VRK1: variants seen among roughly 807,000 people sequenced by gnomAD.
VRK1 encodes serine/threonine-protein kinase VRK1.
A neutral mutation model predicts 57.1 loss-of-function variants in VRK1; 33 were observed. The ratio of observed to expected loss-of-function variants is 0.58; its 90% CI spans 0.44 to 0.77. The LOEUF is 0.77. Ranked by LOEUF, VRK1 falls within the 30% of genes least tolerant of loss-of-function variation. The pLI, the probability that VRK1 is intolerant of heterozygous loss-of-function variation, is 0.00. For synonymous variants in VRK1, 137 were observed against 147.8 expected (o/e 0.93, Z 0.53); for missense variants, 413 against 477.3 (o/e 0.87, Z 1.25).
At chr14:96,818,903 G>A (rs565150003) in intron 1 of VRK1, among the ~76,000 whole-genome samples, 1 of 152,192 alleles carries the variant, frequency 6.6e-6, no homozygotes, top group Non-Finnish European at 1.5e-5. Flanking sequence ...TCACTGGGAA[G>A]TGGCTTTATA....
intron 1 of VRK1, among the ~76,000 whole-genome samples, chr14:96,803,942 T>C (rs1169627666): frequency 6.6e-6 from 1 of 152,244 alleles, no homozygotes; most frequent in African/African-American, 2.4e-5. Context: ...GCCAAATATA[T>C]GATTTGTAAA....
intron 2 of VRK1, 110 bp downstream of exon 2, chr14:96,833,741 A>G: frequency 6.6e-7 from 1 of 1,512,256 alleles, no homozygotes; most frequent in Non-Finnish European, 9.1e-7. Flanking sequence ...ATCTGCAGTC[A>G]ACTTAATAGT....
chr14:96,839,921 A>T (rs1266160663), intron 3 of VRK1, among the ~76,000 whole-genome samples: 2 of 152,136 alleles, frequency 1.3e-5, no homozygotes, highest in Non-Finnish European at 2.9e-5. Context: ...TTGAGTGTTG[A>T]CCGAACTTTG....
chr14:96,829,972 A>T (rs775752509), intron 1 of VRK1, among the ~76,000 whole-genome samples: 22 of 152,108 alleles, frequency 1.4e-4, no homozygotes, highest in Non-Finnish European at 3.2e-4. Flanking sequence ...AACACTTAGC[A>T]GTCTTTATAC....
chr14:96,880,736 T>C (rs1457933636), intron 12 of VRK1, among the ~76,000 whole-genome samples: 1 of 152,220 alleles, frequency 6.6e-6, no homozygotes, highest in African/African-American at 2.4e-5. Context: ...TAATAGTCTT[T>C]AAAAAGCAAC....
At chr14:96,851,411 G>A (rs983134883) in intron 5 of VRK1, among the ~76,000 whole-genome samples, 1 of 152,156 alleles carries the variant, frequency 6.6e-6, no homozygotes, top group Non-Finnish European at 1.5e-5. Flanking sequence ...AAAGTGCTGA[G>A]ATTACTGGCG....
At chr14:96,803,617 C>T (rs962344306) in intron 1 of VRK1, among the ~76,000 whole-genome samples, 2 of 152,184 alleles carry the variant, frequency 1.3e-5, no homozygotes, top group Non-Finnish European at 2.9e-5. Context: ...ACTCTCCATA[C>T]TCTCCACCAT....
intron 1 of VRK1, among the ~76,000 whole-genome samples, chr14:96,828,770 G>T (rs1483445384): frequency 6.6e-6 from 1 of 152,064 alleles, no homozygotes; most frequent in African/African-American, 2.4e-5. Flanking sequence ...TGTTTCTCAA[G>T]ATGCTAAAAG....
intron 1 of VRK1, among the ~76,000 whole-genome samples, chr14:96,811,366 A>G (rs1053505414): frequency 6.6e-6 from 1 of 152,230 alleles, no homozygotes; most frequent in Non-Finnish European, 1.5e-5. Context: ...TCCATTTTTG[A>G]AAGTCATCTG....
intron 5 of VRK1, among the ~76,000 whole-genome samples, chr14:96,851,428 A>C (rs539284916): frequency 1.3e-5 from 2 of 152,180 alleles, no homozygotes; most frequent in African/African-American, 4.8e-5. Flanking sequence ...GGCGTGAACT[A>C]CCAGGCCCGG....
intron 3 of VRK1, among the ~76,000 whole-genome samples, chr14:96,845,852 A>G (rs1046461973): frequency 6.6e-6 from 1 of 152,204 alleles, no homozygotes; most frequent in African/African-American, 2.4e-5. Flanking sequence ...AGGCTGAGCT[A>G]TATATCTGAT....
intron 1 of VRK1, 131 bp from the exon 2 acceptor site, chr14:96,833,336 C>A: frequency 1.0e-6 from 1 of 953,592 alleles, no homozygotes; most frequent in Non-Finnish European, 1.6e-6. Flanking sequence ...TCAGAATTAA[C>A]AGGTATCCTT....
chr14:96,821,166 G>A (rs1034604506), intron 1 of VRK1, among the ~76,000 whole-genome samples: 1 of 152,114 alleles, frequency 6.6e-6, no homozygotes, highest in African/African-American at 2.4e-5. Context: ...AGCTTTTTGA[G>A]ACTAAAGGTT....
At chr14:96,817,506 T>A (rs1886440070) in intron 1 of VRK1, among the ~76,000 whole-genome samples, 4 of 152,160 alleles carry the variant, frequency 2.6e-5, no homozygotes, top group Admixed American at 6.5e-5. Context: ...TTTTCATGAA[T>A]TTTTTTAATG....
chr14:96,869,243 C>G (rs1467114485), intron 11 of VRK1, among the ~76,000 whole-genome samples: 1 of 152,206 alleles, frequency 6.6e-6, no homozygotes, highest in African/African-American at 2.4e-5. Flanking sequence ...TAAATGTTAA[C>G]TGCAATATTA....
intron 1 of VRK1, among the ~76,000 whole-genome samples, chr14:96,805,392 G>A (rs1332737361): frequency 6.6e-6 from 1 of 152,158 alleles, no homozygotes; most frequent in East Asian, 1.9e-4. Flanking sequence ...GGATGTGAAA[G>A]ATAACAGATC....
intron 12 of VRK1, among the ~76,000 whole-genome samples, chr14:96,878,929 C>T (rs1169116679): frequency 2.0e-5 from 3 of 152,070 alleles, no homozygotes; most frequent in African/African-American, 7.2e-5. Context: ...GGCTGGTGTA[C>T]TTTCCCCCCT....
chr14:96,840,870 T>TG (rs1259360555), intron 3 of VRK1, among the ~76,000 whole-genome samples: 2 of 151,970 alleles, frequency 1.3e-5, no homozygotes, highest in Non-Finnish European at 2.9e-5. Flanking sequence ...TTTTTTTTTT[T>TG]TTTGAGACAG....
intron 1 of VRK1, among the ~76,000 whole-genome samples, chr14:96,807,659 T>C (rs1263365451): frequency 6.6e-6 from 1 of 152,236 alleles, no homozygotes; most frequent in Non-Finnish European, 1.5e-5. Flanking sequence ...ACATCATACA[T>C]TGAACATAAA....
Sources: gnomAD v4.1 joint callset for allele counts (sites outside exome capture counted in the v4.1 genomes callset) on GRCh38, gnomAD v4.1.1 for gene constraint, MANE v1.5 for transcripts, NCBI Gene and HGNC (gene_info 2026-07-23, HGNC 2026-07-21) for gene names.